ROBO2: variants seen among roughly 807,000 people sequenced by gnomAD.
ROBO2 encodes roundabout guidance receptor 2.
ROBO2 carries 53 observed loss-of-function variants against 160.8 expected under a neutral mutation model. The observed-to-expected ratio is 0.33, with a 90% CI of 0.26 to 0.41. The LOEUF (loss-of-function observed/expected upper bound fraction) is 0.41. Among genes scored for constraint, ROBO2 ranks in the 10% least tolerant of loss-of-function variants. The pLI, the probability that ROBO2 is intolerant of heterozygous loss-of-function variation, is 1.00. For synonymous variants in ROBO2, 664 were observed against 611.7 expected (o/e 1.09, Z -1.26); for missense variants, 1,577 against 1,722.4 (o/e 0.92, Z 1.49).
At chr3:76,829,452 C>T (rs902190606) in intron 2 of ROBO2, among the ~76,000 whole-genome samples, 1 of 151,910 alleles carries the variant, frequency 6.6e-6, no homozygotes, top group South Asian at 2.1e-4. Flanking sequence ...ACATTCTGCA[C>T]ATGTACCCCA....
exon 5 of ROBO2, chr3:77,493,324 G>A: frequency 6.2e-7 from 1 of 1,613,894 alleles, no homozygotes; most frequent in Non-Finnish European, 8.5e-7. Context: ...TCAAGTCCAA[G>A]GAGATCCTCA....
intron 2 of ROBO2, among the ~76,000 whole-genome samples, chr3:76,581,085 T>C (rs2085673263): frequency 6.6e-6 from 1 of 152,208 alleles, no homozygotes; most frequent in Admixed American, 6.5e-5. Context: ...CTTGACAATG[T>C]AGTATTTGTA....
At chr3:76,365,332 T>G (rs1303944509) in intron 2 of ROBO2, among the ~76,000 whole-genome samples, 5 of 152,074 alleles carry the variant, frequency 3.3e-5, no homozygotes, top group Admixed American at 2.0e-4. Flanking sequence ...CATAGTAAAC[T>G]GTAAAGAAAA....
intron 2 of ROBO2, among the ~76,000 whole-genome samples, chr3:76,735,063 T>C (rs934331597): frequency 6.6e-6 from 1 of 152,176 alleles, no homozygotes; most frequent in Admixed American, 6.5e-5. Context: ...ACCATTCCAC[T>C]CAGCAATCCC....
At chr3:76,186,307 T>C (rs567100305) in intron 2 of ROBO2, among the ~76,000 whole-genome samples, 6 of 152,088 alleles carry the variant, frequency 3.9e-5, no homozygotes, top group African/African-American at 1.4e-4. Flanking sequence ...CAAAAGACAT[T>C]GAGAATTAAG....
chr3:76,347,366 G>A (rs1312710705), intron 2 of ROBO2, among the ~76,000 whole-genome samples: 1 of 152,116 alleles, frequency 6.6e-6, no homozygotes, highest in Non-Finnish European at 1.5e-5. Flanking sequence ...AGTTTAAACA[G>A]TTTAGAAAAT....
At chr3:76,561,859 A>G (rs1226288206) in intron 2 of ROBO2, among the ~76,000 whole-genome samples, 1 of 152,098 alleles carries the variant, frequency 6.6e-6, no homozygotes, top group African/African-American at 2.4e-5. Flanking sequence ...CTATTCATCC[A>G]CTTGAATATC....
intron 21 of ROBO2, among the ~76,000 whole-genome samples, chr3:77,609,692 A>T (rs1298293627): frequency 1.3e-5 from 2 of 151,572 alleles, no homozygotes; most frequent in African/African-American, 2.4e-5. Flanking sequence ...ATGAAATAGT[A>T]GATGGTGCAA....
At chr3:76,329,890 C>T (rs2073350768) in intron 2 of ROBO2, among the ~76,000 whole-genome samples, 1 of 152,102 alleles carries the variant, frequency 6.6e-6, no homozygotes, top group Non-Finnish European at 1.5e-5. Flanking sequence ...TTAAAGAAGC[C>T]TTGATACTTA....
At chr3:77,307,029 T>A (rs2063155205) in intron 2 of ROBO2, among the ~76,000 whole-genome samples, 1 of 152,192 alleles carries the variant, frequency 6.6e-6, no homozygotes. Flanking sequence ...CCAAAATAGA[T>A]ACCTTGTCAC....
At chr3:77,252,610 A>G (rs1386068142) in intron 2 of ROBO2, among the ~76,000 whole-genome samples, 1 of 151,186 alleles carries the variant, frequency 6.6e-6, no homozygotes, top group African/African-American at 2.4e-5. Flanking sequence ...GATGGAGACC[A>G]TCCTGGCTAA....
At chr3:76,625,252 C>A (rs985446845) in intron 2 of ROBO2, among the ~76,000 whole-genome samples, 2 of 64,516 alleles carry the variant, frequency 3.1e-5, no homozygotes, top group Admixed American at 2.0e-4. Flanking sequence ...GTGTGGAAAC[C>A]ACGGCTTTTT....
chr3:76,179,996 G>A (rs914654973), intron 2 of ROBO2, among the ~76,000 whole-genome samples: 3 of 151,922 alleles, frequency 2.0e-5, no homozygotes, highest in Admixed American at 1.3e-4. Context: ...TATTTATTTC[G>A]TCCGTGCCAT....
chr3:77,417,465 A>G (rs1057155289), intron 2 of ROBO2, among the ~76,000 whole-genome samples: 6 of 152,090 alleles, frequency 3.9e-5, no homozygotes, highest in African/African-American at 1.4e-4. Context: ...GAAAATGATA[A>G]TAGTTTTAAG....
intron 2 of ROBO2, among the ~76,000 whole-genome samples, chr3:76,664,374 G>A (rs867435951): frequency 1.3e-5 from 2 of 152,082 alleles, no homozygotes; most frequent in African/African-American, 2.4e-5. Flanking sequence ...ATACCAGGAA[G>A]AATCATGTGC....
chr3:75,949,014 A>G (rs1948435784), intron 2 of ROBO2, among the ~76,000 whole-genome samples: 1 of 152,122 alleles, frequency 6.6e-6, no homozygotes, highest in Non-Finnish European at 1.5e-5. Context: ...GGAATGATAA[A>G]TGTGTAACTC....
intron 2 of ROBO2, among the ~76,000 whole-genome samples, chr3:76,272,780 A>AATATATATAATATATATTT (rs1707544473): frequency 8.5e-5 from 2 of 23,516 alleles, no homozygotes; most frequent in Non-Finnish European, 2.1e-4. Context: ...TTATATATAA[A>AATATATATAATATATATTT]ATATATAAAA....
intron 2 of ROBO2, among the ~76,000 whole-genome samples, chr3:76,275,300 A>G (rs1707855799): frequency 6.6e-6 from 1 of 152,104 alleles, no homozygotes; most frequent in African/African-American, 2.4e-5. Flanking sequence ...TTTTTTTAAT[A>G]CTTTAAGTTT....
chr3:76,448,782 G>A (rs987718412), intron 2 of ROBO2, among the ~76,000 whole-genome samples: 3 of 152,090 alleles, frequency 2.0e-5, no homozygotes, highest in African/African-American at 7.2e-5. Flanking sequence ...AATGCTAAAA[G>A]GTTAACCTAA....
Sources: gnomAD v4.1 joint callset for allele counts (sites outside exome capture counted in the v4.1 genomes callset) on GRCh38, gnomAD v4.1.1 for gene constraint, MANE v1.5 for transcripts, NCBI Gene and HGNC (gene_info 2026-07-23, HGNC 2026-07-21) for gene names.